SAMD12: variants seen among roughly 807,000 people sequenced by gnomAD.
SAMD12 encodes the protein sterile alpha motif domain-containing protein 12.
In SAMD12, 9 loss-of-function variants were observed where a neutral mutation model predicts 15.0. The ratio of observed to expected loss-of-function variants is 0.60; its 90% CI spans 0.36 to 1.05. SAMD12 has a LOEUF of 1.05. Among genes scored for constraint, SAMD12 ranks in the 50% least tolerant of loss-of-function variants. The pLI is 0.01. For synonymous variants in SAMD12, 86 were observed against 90.1 expected, an observed-to-expected ratio of 0.96 and a Z score of 0.25; for missense variants, 230 against 234.2, an observed-to-expected ratio of 0.98 and a Z score of 0.12.
chr8:118,171,822 A>G, the SAMD12 span, among the ~76,000 whole-genome samples: 2 of 151,642 alleles, frequency 1.3e-5, no homozygotes, highest in Admixed American at 6.6e-5. Flanking sequence ...TAAACATTGA[A>G]TTGTGCATTT....
chr8:118,255,018 C>G (rs907990626), intron 4 of SAMD12, among the ~76,000 whole-genome samples: 1 of 151,952 alleles, frequency 6.6e-6, no homozygotes. Flanking sequence ...TCTCTTAAGT[C>G]GATGCCTTGG....
intron 4 of SAMD12, among the ~76,000 whole-genome samples, chr8:118,198,075 T>G (rs772471515): frequency 5.3e-5 from 8 of 152,180 alleles, no homozygotes; most frequent in Non-Finnish European, 8.8e-5. Flanking sequence ...GTTCATGCAT[T>G]TGCTTGGTCT....
At chr8:118,614,069 A>G (rs1828173434) in intron 1 of SAMD12, among the ~76,000 whole-genome samples, 1 of 152,206 alleles carries the variant, frequency 6.6e-6, no homozygotes. Flanking sequence ...CTGATAACCT[A>G]CATTCCCTCA....
At chr8:118,593,024 T>C (rs1827622292) in intron 1 of SAMD12, among the ~76,000 whole-genome samples, 2 of 152,208 alleles carry the variant, frequency 1.3e-5, no homozygotes, top group Admixed American at 6.5e-5. Context: ...CAATTTTGTT[T>C]GCTTACTCTG....
intron 4 of SAMD12, among the ~76,000 whole-genome samples, chr8:118,364,760 T>C: frequency 6.6e-6 from 1 of 152,128 alleles, no homozygotes; most frequent in Admixed American, 6.5e-5. Flanking sequence ...GGGAGGAGAA[T>C]GTGGTGAAGA....
At chr8:118,614,598 T>A (rs972685979) in intron 1 of SAMD12, among the ~76,000 whole-genome samples, 5 of 152,190 alleles carry the variant, frequency 3.3e-5, no homozygotes, top group South Asian at 2.1e-4. Context: ...CAAACATCTG[T>A]CAAATCACTT....
intron 3 of SAMD12, among the ~76,000 whole-genome samples, chr8:118,419,256 A>C (rs571123510): frequency 1.4e-5 from 2 of 146,810 alleles, no homozygotes; most frequent in East Asian, 3.9e-4. Flanking sequence ...TCTGCTGGCT[A>C]TGGGGTCTGG....
At chr8:118,465,378 A>AT (rs568169858) in intron 2 of SAMD12, among the ~76,000 whole-genome samples, 495 of 152,218 alleles carry the variant, frequency 3.3e-3, no homozygotes, top group African/African-American at 0.011. Context: ...CTAGGTTGAC[A>AT]TTTTTTATAG....
At chr8:118,299,240 C>T (rs1814888497) in intron 4 of SAMD12, among the ~76,000 whole-genome samples, 1 of 152,014 alleles carries the variant, frequency 6.6e-6, no homozygotes, top group Non-Finnish European at 1.5e-5. Context: ...GCTCAGAGTC[C>T]CCAAGTAGGC....
chr8:118,596,909 T>C (rs1278688592), intron 1 of SAMD12, among the ~76,000 whole-genome samples: 1 of 152,120 alleles, frequency 6.6e-6, no homozygotes, highest in African/African-American at 2.4e-5. Context: ...GACAGGCTTG[T>C]GTGTGGTGAG....
the SAMD12 span, among the ~76,000 whole-genome samples, chr8:118,182,530 T>G: frequency 3.9e-5 from 6 of 152,242 alleles, no homozygotes; most frequent in Non-Finnish European, 5.9e-5. Context: ...TGAATTTTGC[T>G]TATTTATAGC....
the SAMD12 span, among the ~76,000 whole-genome samples, chr8:118,175,842 C>T: frequency 1.3e-5 from 2 of 152,072 alleles, no homozygotes; most frequent in African/African-American, 4.8e-5. Flanking sequence ...AAGTAACAGA[C>T]GCTGGCAAGA....
chr8:118,269,682 C>T (rs764293070), intron 4 of SAMD12, among the ~76,000 whole-genome samples: 5 of 152,142 alleles, frequency 3.3e-5, no homozygotes, highest in African/African-American at 7.2e-5. Context: ...GGAAGCAAGA[C>T]GTTTTATTCA....
rs921832632 is a variant in SAMD12 at position 118,197,510 on chromosome 8, C to A, written c.*200G>T. ...GAATGAGTTGGCATTATATTATGCA[C>A]CTCATTTTAAATCCACAGCAAAGCA... On this transcript the variant is annotated 3_prime_UTR_variant, in exon 5 of 5. Coordinates refer to the SAMD12 transcript ENST00000409003. 15 of 630,334 alleles carry A rather than the reference C, an allele frequency of 2.4e-5. No individual in the cohort carries two copies. In the African/African-American group the frequency reaches 2.6e-4, roughly 11 times the overall value. 39.0% of individuals were successfully genotyped at this position (630,334 alleles called of 1,614,324 possible).
At chr8:118,418,295 G>T (rs1336019211) in intron 3 of SAMD12, among the ~76,000 whole-genome samples, 3 of 152,196 alleles carry the variant, frequency 2.0e-5, no homozygotes, top group Non-Finnish European at 4.4e-5. Context: ...AAGAAACAGA[G>T]TAGACCTGTT....
intron 4 of SAMD12, among the ~76,000 whole-genome samples, chr8:118,228,061 C>A (rs766028455): frequency 6.6e-6 from 1 of 152,184 alleles, no homozygotes; most frequent in Non-Finnish European, 1.5e-5. Flanking sequence ...ACAAATGGTA[C>A]TCAGATAAGT....
At chr8:118,267,107 T>C (rs552123741) in intron 4 of SAMD12, among the ~76,000 whole-genome samples, 89 of 152,254 alleles carry the variant, frequency 5.8e-4, no homozygotes, top group Admixed American at 2.0e-3. Flanking sequence ...ATTTTGTACT[T>C]GTCAGTTAAA....
intron 4 of SAMD12, among the ~76,000 whole-genome samples, chr8:118,325,577 T>C (rs4579562): frequency 0.16 from 23,836 of 152,218 alleles, 2,379 homozygotes; most frequent in Non-Finnish European, 0.23. Flanking sequence ...CTTTTTTGTG[T>C]GTGTGGCAAG....
At position 118,218,310 on chromosome 8, in the gene SAMD12, G is replaced by GAT. The variant is rs539110174; in HGVS notation, c.434-20580_434-20579dup. The stretch of plus-strand genomic sequence containing the variant: ...TTATGGGAATGCAATGTAATATTTT[G>GAT]ATATATATATAATTGTGAGATGAGT... On this transcript the variant is annotated intron_variant, in intron 4 of 4. Coordinates refer to the SAMD12 transcript ENST00000409003. 1.5e-3 allele frequency among the ~76,000 whole-genome samples: 224 copies of GAT among 151,808 alleles called. 2 individuals are homozygous for GAT. Among genetic ancestry groups the GAT allele is most frequent in the Non-Finnish European group, 6.9e-4 (47 of 67,946 alleles).
Sources: allele counts gnomAD v4.1 joint callset (sites outside exome capture counted in the v4.1 genomes callset), GRCh38; gene constraint gnomAD v4.1.1; transcripts MANE v1.5; gene names NCBI Gene and HGNC (gene_info 2026-07-23, HGNC 2026-07-21).